SLC15A5: variants seen among roughly 807,000 people sequenced by gnomAD.
SLC15A5 encodes the protein Peptide/histidine transporter ENSP00000340402.
A neutral mutation model predicts 56.1 loss-of-function variants in SLC15A5; 58 were observed. That is an observed-to-expected ratio of 1.03 (90% CI 0.84 to 1.29). SLC15A5 has a LOEUF of 1.29. Ranked by LOEUF, SLC15A5 falls within the 50% of genes most tolerant of loss-of-function variation. The probability of loss-of-function intolerance (pLI) is 0.00; values close to 1 mark genes in which losing one functional copy is unlikely to be tolerated. For missense variants in SLC15A5, 681 were observed against 672.1 expected, an observed-to-expected ratio of 1.01 and a Z score of -0.15; for synonymous variants, 264 against 250.5, an observed-to-expected ratio of 1.05 and a Z score of -0.51.
chr12:16,275,516 A>G (rs1864807732), intron 1 of SLC15A5, among the ~76,000 whole-genome samples: 1 of 152,070 alleles, frequency 6.6e-6, no homozygotes, highest in South Asian at 2.1e-4. Context: ...GAGAACTGGC[A>G]GCCGAGTAAG....
intron 7 of SLC15A5, among the ~76,000 whole-genome samples, chr12:16,199,192 T>C (rs1030045277): frequency 1.3e-5 from 2 of 151,732 alleles, no homozygotes; most frequent in African/African-American, 4.8e-5. Context: ...TTGTTCACTG[T>C]ATGCCTGAGT....
chr12:16,259,769 G>T (rs568164167), intron 2 of SLC15A5, among the ~76,000 whole-genome samples: 1 of 152,154 alleles, frequency 6.6e-6, no homozygotes, highest in African/African-American at 2.4e-5. Flanking sequence ...GTAAGCTGGG[G>T]GGATGGGGAG....
intron 2 of SLC15A5, among the ~76,000 whole-genome samples, chr12:16,267,699 A>T (rs559540705): frequency 2.4e-4 from 17 of 70,752 alleles, no homozygotes; most frequent in East Asian, 3.9e-4. Flanking sequence ...CCATTCCCTC[A>T]TTCTTTTGCC....
At chr12:16,272,312 A>T (rs920763129) in intron 2 of SLC15A5, among the ~76,000 whole-genome samples, 3 of 152,130 alleles carry the variant, frequency 2.0e-5, no homozygotes, top group African/African-American at 7.2e-5. Context: ...AGGACAAGGC[A>T]CTTCAAATCT....
chr12:16,277,296 A>G, intron 1 of SLC15A5, 29 bp downstream of exon 1: 3 of 1,458,116 alleles, frequency 2.1e-6, no homozygotes, highest in African/African-American at 1.4e-5. Context: ...TTAAGTCACA[A>G]AACAATCCAG....
chr12:16,215,692 C>T (rs539016268), intron 7 of SLC15A5, among the ~76,000 whole-genome samples: 2 of 152,280 alleles, frequency 1.3e-5, no homozygotes, highest in African/African-American at 4.8e-5. Flanking sequence ...GCCTGGTACA[C>T]AGTAAATATT....
At chr12:16,233,995 T>A (rs572104257) in intron 5 of SLC15A5, among the ~76,000 whole-genome samples, 1 of 152,326 alleles carries the variant, frequency 6.6e-6, no homozygotes, top group Admixed American at 6.5e-5. Flanking sequence ...TTGCTTGTGC[T>A]GTTATTCAAA....
chr12:16,214,484 G>A (rs1864111427), intron 7 of SLC15A5, among the ~76,000 whole-genome samples: 1 of 152,182 alleles, frequency 6.6e-6, no homozygotes, highest in South Asian at 2.1e-4. Flanking sequence ...ATCAGACTTG[G>A]AGCTTTGAGC....
At chr12:16,221,144 C>T (rs942632238) in intron 6 of SLC15A5, among the ~76,000 whole-genome samples, 7 of 151,900 alleles carry the variant, frequency 4.6e-5, no homozygotes, top group African/African-American at 9.7e-5. Flanking sequence ...TAGAAATAGC[C>T]GTAGACTTCA....
intron 2 of SLC15A5, among the ~76,000 whole-genome samples, chr12:16,259,123 C>T (rs1209285433): frequency 1.4e-5 from 2 of 142,460 alleles, no homozygotes; most frequent in African/African-American, 2.6e-5. Context: ...CTTTGACCTC[C>T]CAGGCTGAAG....
intron 3 of SLC15A5, among the ~76,000 whole-genome samples, chr12:16,246,876 G>T (rs1454348815): frequency 6.6e-6 from 1 of 152,056 alleles, no homozygotes; most frequent in Non-Finnish European, 1.5e-5. Flanking sequence ...GGTAGTGGTA[G>T]TTCAGATTAG....
intron 7 of SLC15A5, among the ~76,000 whole-genome samples, chr12:16,206,694 T>C (rs1798691): frequency 0.77 from 116,341 of 152,056 alleles, 44,783 homozygotes; most frequent in East Asian, 0.99. Flanking sequence ...TGCACATGCT[T>C]GATACTTTGC....
chr12:16,208,447 G>C (rs930947161), intron 7 of SLC15A5, among the ~76,000 whole-genome samples: 1 of 152,140 alleles, frequency 6.6e-6, no homozygotes, highest in Non-Finnish European at 1.5e-5. Flanking sequence ...GAGGTGGGAG[G>C]ATCTTTTGAG....
intron 4 of SLC15A5, among the ~76,000 whole-genome samples, chr12:16,242,839 G>A (rs1363490121): frequency 1.3e-5 from 2 of 152,186 alleles, no homozygotes; most frequent in African/African-American, 4.8e-5. Flanking sequence ...TATGGGCCAT[G>A]TAGTAATTTT....
rs1389479405 is a variant in SLC15A5, at chr12:16,271,168, C to T, written c.584+1393G>A. Among the ~76,000 whole-genome samples, 1 of 152,098 alleles carries T rather than the reference C, an allele frequency of 6.6e-6. No homozygotes were observed. The highest frequency in any genetic ancestry group is 1.5e-5 in the Non-Finnish European group (1 of 68,010). The stretch of plus-strand genomic sequence containing the variant: ...CTAAAGCACACACCCAGTGGGAGTC[C>T]CCTCTGTTTCCCAAAGGAAATATTT... On this transcript the variant is annotated intron_variant, in intron 2 of 8. Coordinates refer to ENST00000344941, the MANE Select transcript of SLC15A5 (RefSeq NM_001170798.1). This position sits in a 1 kb window ranked among gnomAD's most constrained non-coding sequence, Gnocchi z 8.0.
intron 2 of SLC15A5, among the ~76,000 whole-genome samples, chr12:16,260,411 C>A (rs957568480): frequency 6.6e-6 from 1 of 151,914 alleles, no homozygotes; most frequent in Admixed American, 6.6e-5. Context: ...GTGTTAAGTT[C>A]GGGTTTTTTC....
At chr12:16,227,563 A>C (rs918667757) in intron 5 of SLC15A5, among the ~76,000 whole-genome samples, 1 of 152,212 alleles carries the variant, frequency 6.6e-6, no homozygotes, top group African/African-American at 2.4e-5. Flanking sequence ...TGAAAGCAGC[A>C]CACGTGGCAT....
intron 6 of SLC15A5, among the ~76,000 whole-genome samples, chr12:16,223,867 C>T (rs1216305293): frequency 1.3e-5 from 2 of 152,104 alleles, no homozygotes; most frequent in African/African-American, 4.8e-5. Context: ...CAGGCGCCTG[C>T]CACCACACCT....
At chr12:16,213,874 G>A (rs1260095119) in intron 7 of SLC15A5, among the ~76,000 whole-genome samples, 1 of 151,958 alleles carries the variant, frequency 6.6e-6, no homozygotes, top group Non-Finnish European at 1.5e-5. Context: ...ATAAACTTTT[G>A]TTTCTCTACC....
Sources: gnomAD v4.1 joint callset for allele counts (sites outside exome capture counted in the v4.1 genomes callset) on GRCh38, gnomAD v4.1.1 for gene constraint, Gnocchi (gnomAD v3.1) non-coding constraint, MANE v1.5 for transcripts, NCBI Gene and HGNC (gene_info 2026-07-23, HGNC 2026-07-21) for gene names.